The following TSHZ3 variants were observed in gnomAD, a reference collection of about 807,000 sequenced individuals.
TSHZ3 encodes teashirt zinc finger homeobox 3, also known as teashirt homolog 3.
In TSHZ3, 10 loss-of-function variants were observed where a neutral mutation model predicts 64.5. The observed-to-expected ratio is 0.16, with a 90% CI of 0.10 to 0.26. The LOEUF (loss-of-function observed/expected upper bound fraction) is 0.26, where lower values mean the gene tolerates loss of function less well. Among genes scored for constraint, TSHZ3 ranks in the 10% least tolerant of loss-of-function variants. TSHZ3 has a pLI of 1.00. For synonymous variants in TSHZ3, 608 were observed against 593.1 expected (o/e 1.03, Z -0.36); for missense variants, 1,242 against 1,421.7 (o/e 0.87, Z 2.03).
Position 31,277,060 on chromosome 19 carries a change from G to A in TSHZ3, c.2733C>T (p.Ala911=), listed in dbSNP as rs143837071. ...CTTCTGAGGTCTGCCGGAGGCTGGC[G>A]GCAAACTGGGCCTGGAGGATCAGGA... ...QHLLILQAQF[A]ASLRQTSEGK... Residue 911 remains alanine (A), a synonymous_variant, in exon 2 of 2, where the codon GCC becomes GCT. Coordinates refer to ENST00000240587, the MANE Select transcript of TSHZ3 (RefSeq NM_020856.4). This position sits in a 1 kb window ranked among gnomAD's most constrained non-coding sequence, Gnocchi z 4.5. 9.7e-4 allele frequency: 1,554 copies of A among 1,608,868 alleles called. 2 individuals are homozygous for A. The highest frequency in any genetic ancestry group is 1.2e-3 in the Non-Finnish European group (1,443 of 1,176,674).
intron 1 of TSHZ3, among the ~76,000 whole-genome samples, chr19:31,246,205 T>C (rs902538621): frequency 6.6e-6 from 1 of 152,198 alleles, no homozygotes; most frequent in African/African-American, 2.4e-5. Context: ...GTCAAAACAC[T>C]ACAATTCTAA....
At chr19:31,315,392 A>C (rs1433063611) in intron 1 of TSHZ3, among the ~76,000 whole-genome samples, 1 of 152,066 alleles carries the variant, frequency 6.6e-6, no homozygotes, top group Admixed American at 6.5e-5. Flanking sequence ...TCTCCTCCAA[A>C]GGGTGGAGCT....
Position 31,277,553 on chromosome 19 carries a change from A to G in TSHZ3, c.2240T>C (p.Met747Thr), listed in dbSNP as rs757470534. Residue 747 changes from methionine to threonine, a missense_variant, in exon 2 of 2, where the codon ATG (methionine) becomes ACG (threonine). By Grantham distance (81) the Met-to-Thr change is moderately conservative (BLOSUM62 -1). Around this residue, in one of 4 missense-constraint regions of TSHZ3, gnomAD observed 550 missense variants for 545.1 expected, o/e 1.01. Coordinates refer to ENST00000240587, the MANE Select transcript of TSHZ3 (RefSeq NM_020856.4). The surrounding 1 kb of genome is among the most constrained non-coding windows in gnomAD (Gnocchi z 4.5). The stretch of plus-strand genomic sequence containing the variant: ...GTTGCTCATCTTGAAAAGCATGCTC[A>G]TGGGGTCCAGGGCAGGCAGGGAGGG... The part of the protein sequence containing the change: ...AKPSLPALDP[M>T]SMLFKMSNSL... 3.7e-6 allele frequency: 6 copies of G among 1,601,644 alleles called. No homozygotes were observed. Among genetic ancestry groups the G allele is most frequent in the Non-Finnish European group, 5.1e-6 (6 of 1,172,948 alleles).
Position 31,157,012 on chromosome 19 carries a change from G to C in TSHZ3, n.810-595C>G, listed in dbSNP as rs576018036. Among the ~76,000 whole-genome samples the C allele has an allele frequency of 8.5e-5, 13 of 152,278 alleles. No individual in the cohort carries two copies. The South Asian group carries it at 2.7e-3, about 32-fold the overall frequency. On this transcript the variant is annotated intron_variant and non_coding_transcript_variant, in intron 5 of 6. Coordinates refer to the TSHZ3 transcript ENST00000651361. Reference sequence around the variant, plus strand: ...GGAAAATAGGCACTTTCTTGCCTGAGAGCAGGGTGGTAAATTGATACAACC... The same window carrying C: ...GGAAAATAGGCACTTTCTTGCCTGACAGCAGGGTGGTAAATTGATACAACC...
intron 1 of TSHZ3, among the ~76,000 whole-genome samples, chr19:31,298,729 G>A (rs1224249811): frequency 1.3e-5 from 2 of 152,112 alleles, no homozygotes; most frequent in African/African-American, 4.8e-5. Flanking sequence ...AGAGACTGAC[G>A]CTTAGAGAGA....
chr19:31,170,628 G>A (rs779410616), intron 5 of TSHZ3, among the ~76,000 whole-genome samples: 29 of 152,144 alleles, frequency 1.9e-4, no homozygotes, highest in Non-Finnish European at 4.0e-4. Context: ...ACCCTTCCAA[G>A]TCCAGCTAGA....
chr19:31,277,579 C>T lies in TSHZ3; in HGVS notation c.2214G>A (p.Lys738=). 2 of 1,596,128 alleles carry T rather than the reference C, an allele frequency of 1.3e-6. No individual in the cohort carries two copies. Among genetic ancestry groups the T allele is most frequent in the South Asian group, 1.1e-5 (1 of 88,284 alleles). Residue 738 remains lysine, a synonymous_variant, in exon 2 of 2, where the codon AAG becomes AAA. Coordinates refer to ENST00000240587, the MANE Select transcript of TSHZ3 (RefSeq NM_020856.4). This position sits in a 1 kb window ranked among gnomAD's most constrained non-coding sequence, Gnocchi z 4.5. The stretch of plus-strand genomic sequence containing the variant: ...TGGGGTCCAGGGCAGGCAGGGAGGG[C>T]TTGGCGGCCTTGCCCAGGTGAATGT... ...VMNIHLGKAA[K]PSLPALDPMS...
At chr19:31,301,868 C>T (rs1976763638) in intron 1 of TSHZ3, among the ~76,000 whole-genome samples, 1 of 152,080 alleles carries the variant, frequency 6.6e-6, no homozygotes, top group Admixed American at 6.5e-5. Context: ...TCATACCCAC[C>T]CCATGAGGTC....
At chr19:31,162,202 A>G (rs1974382076) in intron 5 of TSHZ3, among the ~76,000 whole-genome samples, 1 of 152,132 alleles carries the variant, frequency 6.6e-6, no homozygotes, top group African/African-American at 2.4e-5. Context: ...CCAGCACCCC[A>G]GCACAGTGCC....
Position 31,345,807 on chromosome 19 carries a change from T to C in TSHZ3, c.40+3373A>G, listed in dbSNP as rs377600938. On this transcript the variant is annotated intron_variant, in intron 1 of 1. Transcript: ENST00000240587. ...ATTACACTAAAATTTTTCTGGCATTTTCAGAAATGTTTTTTAAAAACCACT... is the reference window on the plus strand; with the variant it reads ...ATTACACTAAAATTTTTCTGGCATTCTCAGAAATGTTTTTTAAAAACCACT... Among the ~76,000 whole-genome samples the C allele has an allele frequency of 3.9e-5, 6 of 152,310 alleles. No individual in the cohort carries two copies. The East Asian group carries it at 1.2e-3, about 29-fold the overall frequency.
chr19:31,332,870 C>T (rs1365286977), intron 1 of TSHZ3, among the ~76,000 whole-genome samples: 1 of 151,952 alleles, frequency 6.6e-6, no homozygotes, highest in African/African-American at 2.4e-5. Context: ...CTTTTGGAGA[C>T]CGAGGAGGGT....
At chr19:31,216,556 C>T (rs562387760) in intron 4 of TSHZ3, among the ~76,000 whole-genome samples, 1 of 151,858 alleles carries the variant, frequency 6.6e-6, no homozygotes, top group Admixed American at 6.6e-5. Flanking sequence ...TCAAGCAGTT[C>T]TCCTGCCTCA....
At chr19:31,325,233 C>G (rs1916900400) in intron 1 of TSHZ3, among the ~76,000 whole-genome samples, 1 of 152,188 alleles carries the variant, frequency 6.6e-6, no homozygotes, top group Non-Finnish European at 1.5e-5. Context: ...GCTTTACACC[C>G]TCAGTGCTTT....
At chr19:31,230,953 C>T (rs1450069389) in intron 3 of TSHZ3, among the ~76,000 whole-genome samples, 1 of 151,772 alleles carries the variant, frequency 6.6e-6, no homozygotes, top group East Asian at 1.9e-4. Flanking sequence ...CCTCCAGCCT[C>T]GGCCTCCCAA....
intron 1 of TSHZ3, among the ~76,000 whole-genome samples, chr19:31,313,221 G>A (rs907338846): frequency 6.6e-6 from 1 of 152,176 alleles, no homozygotes; most frequent in African/African-American, 2.4e-5. Flanking sequence ...TTCCACACCC[G>A]AGATTTGGAA....
chr19:31,292,432 G>A (rs905080429), intron 1 of TSHZ3, among the ~76,000 whole-genome samples: 1 of 152,130 alleles, frequency 6.6e-6, no homozygotes, highest in Admixed American at 6.5e-5. Flanking sequence ...GAAAATTTGG[G>A]AACAGTCCTT....
chr19:31,242,639 C>A (rs933879853), exon 3 of TSHZ3, among the ~76,000 whole-genome samples: 2 of 150,474 alleles, frequency 1.3e-5, no homozygotes, highest in East Asian at 3.9e-4. Context: ...CTCAGTTCTA[C>A]GAGAGAGAAC....
chr19:31,207,349 G>T (rs1001466565), intron 4 of TSHZ3: 1 of 151,964 alleles, frequency 6.6e-6, no homozygotes, highest in Non-Finnish European at 1.5e-5. Context: ...CAATTTTATT[G>T]CTATTCATAC....
intron 1 of TSHZ3, among the ~76,000 whole-genome samples, chr19:31,336,028 A>G (rs1055801752): frequency 6.6e-6 from 1 of 152,190 alleles, no homozygotes; most frequent in African/African-American, 2.4e-5. Context: ...CTTCCTTTTC[A>G]TGAATTCTAA....
Sources: gnomAD v4.1 joint callset for allele counts (sites outside exome capture counted in the v4.1 genomes callset) on GRCh38, gnomAD v4.1.1 for gene constraint, gnomAD v4.1.1 regional missense constraint, Gnocchi (gnomAD v3.1) non-coding constraint, MANE v1.5 for transcripts, NCBI Gene and HGNC (gene_info 2026-07-23, HGNC 2026-07-21) for gene names.